DLC1: variants seen among roughly 807,000 people sequenced by gnomAD.
DLC1 encodes rho GTPase-activating protein 7.
DLC1 carries 54 observed loss-of-function variants against 140.3 expected under a neutral mutation model. That is an observed-to-expected ratio of 0.38 (90% CI 0.31 to 0.48). The LOEUF (loss-of-function observed/expected upper bound fraction) is 0.48. Among genes scored for constraint, DLC1 ranks in the 20% least tolerant of loss-of-function variants. The pLI is 0.96. For missense variants in DLC1, 2,536 were observed against 1,907.0 expected, an observed-to-expected ratio of 1.33 and a Z score of -6.14; for synonymous variants, 986 against 728.1, an observed-to-expected ratio of 1.35 and a Z score of -5.70.
intron 5 of DLC1, among the ~76,000 whole-genome samples, chr8:13,120,802 G>C (rs984748625): frequency 1.3e-5 from 2 of 152,096 alleles, no homozygotes; most frequent in Non-Finnish European, 2.9e-5. Flanking sequence ...TTTTGTGTAT[G>C]GCTGGGAACC....
At chr8:13,582,548 C>T (rs879449635) in intron 1 of DLC1, among the ~76,000 whole-genome samples, 8 of 152,090 alleles carry the variant, frequency 5.3e-5, no homozygotes, top group Admixed American at 5.2e-4. Flanking sequence ...TCTCCCATGC[C>T]GGATGCTTCC....
chr8:13,086,117 G>A (rs1243743451), intron 17 of DLC1, 173 bp downstream of exon 17: 9 of 1,319,840 alleles, frequency 6.8e-6, no homozygotes, highest in African/African-American at 1.5e-5. Context: ...ACCAAATTAC[G>A]AAGTGGTCGC....
At chr8:13,587,800 C>T (rs190393957) in intron 1 of DLC1, among the ~76,000 whole-genome samples, 90 of 151,950 alleles carry the variant, frequency 5.9e-4, no homozygotes, top group Non-Finnish European at 8.7e-4. Context: ...TTTCAAGTTT[C>T]TATCAGTACT....
chr8:13,348,568 C>T (rs186618882), intron 4 of DLC1, among the ~76,000 whole-genome samples: 16 of 152,170 alleles, frequency 1.1e-4, no homozygotes, highest in East Asian at 3.9e-4. Flanking sequence ...CACTTTTTGA[C>T]GACCATCTTT....
At chr8:13,433,003 A>C (rs1462110625) in intron 2 of DLC1, among the ~76,000 whole-genome samples, 1 of 141,002 alleles carries the variant, frequency 7.1e-6, no homozygotes, top group Admixed American at 7.5e-5. Flanking sequence ...TCTAACTTGT[A>C]AGTTGAAGAA....
chr8:13,180,464 G>T (rs999570648), intron 5 of DLC1, among the ~76,000 whole-genome samples: 1 of 151,898 alleles, frequency 6.6e-6, no homozygotes, highest in Non-Finnish European at 1.5e-5. Context: ...AAATCAAAAG[G>T]TTAGTTCTTA....
intron 2 of DLC1, among the ~76,000 whole-genome samples, chr8:13,459,689 C>T (rs1799571927): frequency 6.6e-6 from 1 of 152,126 alleles, no homozygotes; most frequent in South Asian, 2.1e-4. Flanking sequence ...AGCCAAGTTC[C>T]AGAAGGGCTG....
intron 5 of DLC1, among the ~76,000 whole-genome samples, chr8:13,127,323 T>C (rs897446987): frequency 9.2e-5 from 14 of 152,352 alleles, no homozygotes; most frequent in African/African-American, 3.1e-4. Flanking sequence ...AACTCACATG[T>C]GATCTTGGAC....
chr8:13,143,839 AG>A (rs1456028165), intron 5 of DLC1, among the ~76,000 whole-genome samples: 1,691 of 150,562 alleles, frequency 0.011, 32 homozygotes, highest in African/African-American at 0.04. Flanking sequence ...AGAGAGAGAG[AG>A]AGAGAGAGAG....
chr8:13,580,426 G>T (rs566173929), intron 1 of DLC1, among the ~76,000 whole-genome samples: 1 of 152,256 alleles, frequency 6.6e-6, no homozygotes, highest in African/African-American at 2.4e-5. Context: ...CGGCAGGTTG[G>T]TTACATTTTT....
At chr8:13,430,332 G>A (rs569970246) in intron 2 of DLC1, among the ~76,000 whole-genome samples, 1 of 152,092 alleles carries the variant, frequency 6.6e-6, no homozygotes, top group African/African-American at 2.4e-5. Flanking sequence ...AAATCAAATA[G>A]ATCCTAAAAA....
intron 3 of DLC1, among the ~76,000 whole-genome samples, chr8:13,401,004 C>G (rs943207183): frequency 1.3e-5 from 2 of 152,182 alleles, no homozygotes; most frequent in African/African-American, 4.8e-5. Context: ...TTAATCTCAT[C>G]TAAATTGTTT....
At chr8:13,567,275 A>G (rs1796110184) in intron 1 of DLC1, 2 of 1,551,624 alleles carry the variant, frequency 1.3e-6, no homozygotes, top group African/African-American at 2.7e-5. Flanking sequence ...AAGCTCAAAG[A>G]CTCTAACTTT....
At chr8:13,148,769 G>T (rs185744710) in intron 5 of DLC1, among the ~76,000 whole-genome samples, 80 of 152,174 alleles carry the variant, frequency 5.3e-4, no homozygotes, top group Non-Finnish European at 8.5e-4. Context: ...ACACCTAGCT[G>T]GCCAGTAATG....
chr8:13,266,049 C>G (rs987972263), intron 5 of DLC1, among the ~76,000 whole-genome samples: 4 of 152,160 alleles, frequency 2.6e-5, no homozygotes, highest in Non-Finnish European at 4.4e-5. Context: ...TCTAAGTCAT[C>G]AATTTATACA....
At chr8:13,134,790 C>G (rs1030589088) in intron 5 of DLC1, among the ~76,000 whole-genome samples, 1 of 152,086 alleles carries the variant, frequency 6.6e-6, no homozygotes, top group Non-Finnish European at 1.5e-5. Flanking sequence ...AAGACTCCAT[C>G]TGTACAAAAA....
upstream of DLC1, among the ~76,000 whole-genome samples, chr8:13,517,783 C>T (rs911285501): frequency 3.3e-5 from 5 of 152,218 alleles, no homozygotes; most frequent in African/African-American, 9.6e-5. Flanking sequence ...TGCTCCAAAA[C>T]TAACAGCTTT....
intron 10 of DLC1, among the ~76,000 whole-genome samples, chr8:13,098,193 G>A (rs1004151838): frequency 9.2e-5 from 14 of 151,920 alleles, no homozygotes; most frequent in Non-Finnish European, 1.8e-4. Context: ...CCACTGCACC[G>A]CACTCCAGCC....
At chr8:13,554,250 A>ACTTT (rs1254126921) in intron 1 of DLC1, among the ~76,000 whole-genome samples, 1 of 152,122 alleles carries the variant, frequency 6.6e-6, no homozygotes, top group African/African-American at 2.4e-5. Context: ...TACTTTTAGT[A>ACTTT]GAGATGGGGT....
Sources: allele counts gnomAD v4.1 joint callset (sites outside exome capture counted in the v4.1 genomes callset), GRCh38; gene constraint gnomAD v4.1.1; transcripts MANE v1.5; gene names NCBI Gene and HGNC (gene_info 2026-07-23, HGNC 2026-07-21).